The following SH3GL2 variants were observed in gnomAD, a reference collection of about 807,000 sequenced individuals.
SH3GL2 encodes endophilin-A1.
A neutral mutation model predicts 46.0 loss-of-function variants in SH3GL2; 24 were observed. That is an observed-to-expected ratio of 0.52 (90% confidence interval 0.38 to 0.73). The LOEUF (loss-of-function observed/expected upper bound fraction) is 0.73. Among genes scored for constraint, SH3GL2 ranks in the 30% least tolerant of loss-of-function variants. The pLI, the probability that SH3GL2 is intolerant of heterozygous loss-of-function variation, is 0.00. For synonymous variants in SH3GL2, 196 were observed against 147.1 expected (o/e 1.33, Z -2.40); for missense variants, 413 against 424.2 (o/e 0.97, Z 0.23).
intron 1 of SH3GL2, among the ~76,000 whole-genome samples, chr9:17,677,284 G>C (rs1820636529): frequency 6.6e-6 from 1 of 151,904 alleles, no homozygotes; most frequent in African/African-American, 2.4e-5. Context: ...GTATAATCTT[G>C]TTTGTGGCTT....
intron 1 of SH3GL2, among the ~76,000 whole-genome samples, chr9:17,655,802 G>T (rs1422997083): frequency 6.6e-6 from 1 of 152,152 alleles, no homozygotes; most frequent in Non-Finnish European, 1.5e-5. Flanking sequence ...GTTGCTCTCT[G>T]AGGGTTACCC....
intron 1 of SH3GL2, among the ~76,000 whole-genome samples, chr9:17,635,884 G>A (rs912571554): frequency 1.3e-5 from 2 of 152,156 alleles, no homozygotes; most frequent in Admixed American, 6.5e-5. Context: ...CACAAAAATG[G>A]CAGTTTCTAT....
chr9:17,716,925 T>G (rs1007802622), intron 1 of SH3GL2, among the ~76,000 whole-genome samples: 11 of 152,164 alleles, frequency 7.2e-5, no homozygotes, highest in African/African-American at 2.7e-4. Context: ...TTGTTTCTTA[T>G]ATAGATAGAT....
At chr9:17,615,974 A>C (rs1439631624) in intron 1 of SH3GL2, among the ~76,000 whole-genome samples, 1 of 152,178 alleles carries the variant, frequency 6.6e-6, no homozygotes, top group African/African-American at 2.4e-5. Flanking sequence ...ATTTGTGCTC[A>C]ATGGCAGGAC....
intron 1 of SH3GL2, among the ~76,000 whole-genome samples, chr9:17,647,049 G>A (rs534768502): frequency 2.0e-5 from 3 of 152,258 alleles, no homozygotes; most frequent in East Asian, 3.9e-4. Context: ...CGGGGCTGTT[G>A]CCTTTCCTCA....
At chr9:17,795,065 G>A (rs1043174550) in intron 8 of SH3GL2, among the ~76,000 whole-genome samples, 5 of 152,130 alleles carry the variant, frequency 3.3e-5, no homozygotes, top group Non-Finnish European at 7.3e-5. Flanking sequence ...AGTGATAACC[G>A]AACTGTTACT....
At chr9:17,638,088 C>T (rs986633976) in intron 1 of SH3GL2, among the ~76,000 whole-genome samples, 4 of 151,408 alleles carry the variant, frequency 2.6e-5, no homozygotes, top group Non-Finnish European at 4.4e-5. Flanking sequence ...ACCCGGGAGG[C>T]GGAGCTTGCA....
chr9:17,761,067 C>G (rs930585801), intron 2 of SH3GL2, among the ~76,000 whole-genome samples: 2 of 152,180 alleles, frequency 1.3e-5, no homozygotes, highest in Non-Finnish European at 2.9e-5. Flanking sequence ...CTGCATGATT[C>G]TTTCTTGAGG....
At chr9:17,603,737 G>T (rs1818711630) in intron 1 of SH3GL2, among the ~76,000 whole-genome samples, 1 of 152,138 alleles carries the variant, frequency 6.6e-6, no homozygotes, top group South Asian at 2.1e-4. Context: ...GTGCATGCCT[G>T]TAATCCCAGC....
chr9:17,661,922 G>A (rs1369867021), intron 1 of SH3GL2, among the ~76,000 whole-genome samples: 1 of 152,176 alleles, frequency 6.6e-6, no homozygotes, highest in Non-Finnish European at 1.5e-5. Flanking sequence ...ATGTTGGATG[G>A]TTGCAATGGG....
chr9:17,785,920 C>T (rs536752561), intron 3 of SH3GL2, among the ~76,000 whole-genome samples: 134 of 152,246 alleles, frequency 8.8e-4, no homozygotes, highest in Non-Finnish European at 1.6e-3. Context: ...ATAAGGCCCA[C>T]TCTGCAGGAA....
At position 17,789,545 on chromosome 9, in the gene SH3GL2, A is replaced by T; in HGVS notation, c.619A>T (p.Met207Leu). Reference protein sequence around the residue: ...AESSMFNLLEMDIEQVSQLSA... With the variant: ...AESSMFNLLELDIEQVSQLSA... ...GTCAAGCATGTTCAATCTCTTGGAG[A>T]TGGATGTAAGTGACTCCTGTGGTTT... Residue 207 changes from methionine (M) to leucine (L), a missense_variant, in exon 6 of 9, where the codon ATG becomes TTG. Transcript: ENST00000380607. 1.9e-6 allele frequency: 3 copies of T among 1,613,388 alleles called. No individual in the cohort carries two copies. The highest frequency in any genetic ancestry group is 2.5e-6 in the Non-Finnish European group (3 of 1,179,500).
chr9:17,586,998 T>C (rs1183033343), intron 1 of SH3GL2, among the ~76,000 whole-genome samples: 2 of 152,106 alleles, frequency 1.3e-5, no homozygotes, highest in African/African-American at 4.8e-5. Flanking sequence ...CTTGAGGAGT[T>C]TGAGACCAGC....
At chr9:17,720,570 C>A (rs1239992620) in intron 1 of SH3GL2, among the ~76,000 whole-genome samples, 1 of 151,972 alleles carries the variant, frequency 6.6e-6, no homozygotes, top group Non-Finnish European at 1.5e-5. Flanking sequence ...TGGTGATTGG[C>A]CCAAGAGTTG....
At chr9:17,593,296 A>C (rs1818517755) in intron 1 of SH3GL2, among the ~76,000 whole-genome samples, 1 of 152,190 alleles carries the variant, frequency 6.6e-6, no homozygotes, top group Non-Finnish European at 1.5e-5. Context: ...TGTGACTGGC[A>C]TCTGAAGCCA....
At chr9:17,651,800 T>A (rs1819966314) in intron 1 of SH3GL2, among the ~76,000 whole-genome samples, 1 of 152,172 alleles carries the variant, frequency 6.6e-6, no homozygotes, top group Non-Finnish European at 1.5e-5. Context: ...TTGCTTAACT[T>A]GTTTTAAATT....
At chr9:17,596,279 G>T (rs1008829888) in intron 1 of SH3GL2, among the ~76,000 whole-genome samples, 3 of 152,152 alleles carry the variant, frequency 2.0e-5, no homozygotes, top group Non-Finnish European at 4.4e-5. Context: ...CCAAGAAGAT[G>T]TGTACAAACA....
chr9:17,580,339 T>C (rs1318989007), intron 1 of SH3GL2, among the ~76,000 whole-genome samples: 1 of 152,142 alleles, frequency 6.6e-6, no homozygotes, highest in Non-Finnish European at 1.5e-5. Flanking sequence ...AGTAGTGAGG[T>C]TTTTCCTAGG....
At chr9:17,655,413 A>G (rs1820051055) in intron 1 of SH3GL2, among the ~76,000 whole-genome samples, 1 of 152,162 alleles carries the variant, frequency 6.6e-6, no homozygotes, top group Non-Finnish European at 1.5e-5. Flanking sequence ...TAGCTTGGGA[A>G]GTGATGATAT....
Sources: gnomAD v4.1 joint callset for allele counts (sites outside exome capture counted in the v4.1 genomes callset) on GRCh38, gnomAD v4.1.1 for gene constraint, MANE v1.5 for transcripts, NCBI Gene and HGNC (gene_info 2026-07-23, HGNC 2026-07-21) for gene names.